The following AUTS2 variants were observed in gnomAD, a reference collection of about 807,000 sequenced individuals.
AUTS2 encodes activator of transcription and developmental regulator AUTS2, also known as autism susceptibility gene 2 protein.
AUTS2 carries 17 observed loss-of-function variants against 112.4 expected under a neutral mutation model. The ratio of observed to expected loss-of-function variants is 0.15; its 90% CI spans 0.10 to 0.23. The LOEUF is 0.23. Among genes scored for constraint, AUTS2 ranks in the 10% least tolerant of loss-of-function variants. The pLI, the probability that AUTS2 is intolerant of heterozygous loss-of-function variation, is 1.00. For synonymous variants in AUTS2, 751 were observed against 702.7 expected (o/e 1.07, Z -1.09); for missense variants, 1,510 against 1,701.6 (o/e 0.89, Z 1.98).
At chr7:70,380,247 T>A (rs1489479291) in intron 4 of AUTS2, among the ~76,000 whole-genome samples, 1 of 152,200 alleles carries the variant, frequency 6.6e-6, no homozygotes, top group Non-Finnish European at 1.5e-5. Flanking sequence ...GGCTCTGGGA[T>A]CAAACAAAGT....
At chr7:70,133,588 G>A (rs1005785231) in intron 3 of AUTS2, among the ~76,000 whole-genome samples, 11 of 152,142 alleles carry the variant, frequency 7.2e-5, no homozygotes, top group African/African-American at 2.7e-4. Context: ...CCCAACCCAA[G>A]CTCATCAGGG....
chr7:70,429,974 T>C (rs1467190416), intron 4 of AUTS2, among the ~76,000 whole-genome samples: 1 of 152,064 alleles, frequency 6.6e-6, no homozygotes, highest in Non-Finnish European at 1.5e-5. Context: ...CTGCATCAAA[T>C]AGAAATTTAG....
At chr7:70,460,679 G>C (rs912495905) in intron 5 of AUTS2, among the ~76,000 whole-genome samples, 1 of 152,044 alleles carries the variant, frequency 6.6e-6, no homozygotes, top group African/African-American at 2.4e-5. Flanking sequence ...GGTCAGCTTC[G>C]GCTTCCTATT....
At chr7:70,746,145 G>T (rs768876145) in intron 6 of AUTS2, among the ~76,000 whole-genome samples, 20 of 152,120 alleles carry the variant, frequency 1.3e-4, no homozygotes, top group East Asian at 1.9e-4. Flanking sequence ...AAGGTTTTTT[G>T]TTGTTGTTGT....
intron 6 of AUTS2, among the ~76,000 whole-genome samples, chr7:70,706,024 T>C (rs1057322194): frequency 2.1e-4 from 32 of 152,226 alleles, no homozygotes; most frequent in East Asian, 1.9e-4. Flanking sequence ...GTTTCTATTA[T>C]AAAGCATTTC....
chr7:69,819,109 T>C (rs58666988), intron 1 of AUTS2, among the ~76,000 whole-genome samples: 15,609 of 152,188 alleles, frequency 0.1, 1,310 homozygotes, highest in African/African-American at 0.23. Flanking sequence ...AGTAAGGGTA[T>C]CTTTTGTACT....
chr7:69,881,685 T>C (rs530165941), intron 1 of AUTS2, among the ~76,000 whole-genome samples: 1 of 152,256 alleles, frequency 6.6e-6, no homozygotes, highest in East Asian at 1.9e-4. Context: ...GTTTCCATCT[T>C]TCCATATGGT....
At position 70,392,071 on chromosome 7, in the gene AUTS2, A is replaced by G. The variant is rs75847367; in HGVS notation, c.661-43681A>G. Among the ~76,000 whole-genome samples the G allele has an allele frequency of 6.2e-3, 938 of 152,278 alleles. 12 individuals are homozygous for G. Among genetic ancestry groups the G allele is most frequent in the African/African-American group, 0.022 (895 of 41,550 alleles). On this transcript the variant is annotated intron_variant, in intron 4 of 18. Coordinates refer to ENST00000342771, the MANE Select transcript of AUTS2 (RefSeq NM_015570.4). ...ATGATTTGATTGCCTGACCACCTTC[A>G]AAACGGGTTAGATAACTCATAGTAT...
intron 1 of AUTS2, among the ~76,000 whole-genome samples, chr7:69,792,051 G>A (rs780241029): frequency 3.9e-5 from 6 of 151,906 alleles, no homozygotes; most frequent in Admixed American, 2.0e-4. Context: ...GGTGAGGGGT[G>A]TTCTTTAATA....
intron 4 of AUTS2, among the ~76,000 whole-genome samples, chr7:70,252,428 C>T (rs1183577416): frequency 6.6e-6 from 1 of 152,138 alleles, no homozygotes; most frequent in African/African-American, 2.4e-5. Context: ...AGGCCCTTTG[C>T]CCATTTTTTG....
At chr7:70,289,538 G>A (rs1001257427) in intron 4 of AUTS2, among the ~76,000 whole-genome samples, 2 of 152,176 alleles carry the variant, frequency 1.3e-5, no homozygotes, top group African/African-American at 2.4e-5. Context: ...TTTTATGGGA[G>A]GATATTGAGG....
At chr7:69,931,396 A>G (rs920722276) in intron 2 of AUTS2, among the ~76,000 whole-genome samples, 3 of 152,228 alleles carry the variant, frequency 2.0e-5, no homozygotes, top group Non-Finnish European at 4.4e-5. Context: ...GCATCTTTGC[A>G]GCTTGCTATT....
intron 5 of AUTS2, among the ~76,000 whole-genome samples, chr7:70,612,480 G>A (rs1468397297): frequency 6.6e-6 from 1 of 151,926 alleles, no homozygotes; most frequent in Non-Finnish European, 1.5e-5. Context: ...CTTAGAGTCA[G>A]AGTATTTTAC....
At chr7:70,060,000 G>T (rs1196804697) in intron 2 of AUTS2, among the ~76,000 whole-genome samples, 2 of 152,106 alleles carry the variant, frequency 1.3e-5, no homozygotes, top group Non-Finnish European at 2.9e-5. Flanking sequence ...TCTACAGGTG[G>T]TGCAAGTTAA....
chr7:70,781,632 C>A lies in AUTS2; in HGVS notation c.2022C>A (p.Asp674Glu). ...CTGTGTAGAAACAGATGCAGTCAGA[C>A]CCACATAAGCTGGACTTTGGACTGA... ...QQKVKKQMQS[D>E]PHKLDFGLKP... The change falls in exon 15 of 19, where the codon GAC (aspartate) becomes GAA (glutamate). Residue 674 changes from aspartate to glutamate, a missense_variant. Around this residue, in one of 3 missense-constraint regions of AUTS2, gnomAD observed 187 missense variants for 309.7 expected, o/e 0.60. Transcript: ENST00000342771. 1 of 1,614,134 alleles carries A rather than the reference C, an allele frequency of 6.2e-7. No homozygotes were observed. Among genetic ancestry groups the A allele is most frequent in the Non-Finnish European group, 8.5e-7 (1 of 1,180,016 alleles).
intron 4 of AUTS2, among the ~76,000 whole-genome samples, chr7:70,206,357 TTCTA>T (rs1324877359): frequency 3.9e-5 from 6 of 152,154 alleles, no homozygotes; most frequent in African/African-American, 9.7e-5. Flanking sequence ...GACAGACCTT[TTCTA>T]TCTGTTTTTT....
chr7:70,224,467 T>C (rs1240097903), intron 4 of AUTS2, among the ~76,000 whole-genome samples: 1 of 152,130 alleles, frequency 6.6e-6, no homozygotes, highest in Non-Finnish European at 1.5e-5. Context: ...AGGAAGAAAG[T>C]ATTTTTATAC....
chr7:69,769,235 A>C (rs977647235), intron 1 of AUTS2, among the ~76,000 whole-genome samples: 1 of 152,252 alleles, frequency 6.6e-6, no homozygotes, highest in African/African-American at 2.4e-5. Context: ...TTGAACAAAG[A>C]ACGTAAATCA....
intron 1 of AUTS2, among the ~76,000 whole-genome samples, chr7:69,747,571 C>T (rs1435706398): frequency 2.0e-5 from 3 of 152,132 alleles, no homozygotes; most frequent in Admixed American, 2.0e-4. Context: ...CTTTGTTTTA[C>T]ACATAGGGAA....
Sources: gnomAD v4.1 joint callset for allele counts (sites outside exome capture counted in the v4.1 genomes callset) on GRCh38, gnomAD v4.1.1 for gene constraint, gnomAD v4.1.1 regional missense constraint, MANE v1.5 for transcripts, NCBI Gene and HGNC (gene_info 2026-07-23, HGNC 2026-07-21) for gene names.